KLF8: variants seen among roughly 807,000 people sequenced by gnomAD.
KLF8 encodes KLF transcription factor 8.
Under a neutral mutation model 18.2 loss-of-function variants are expected in KLF8, and 10 were observed. The observed-to-expected ratio is 0.55, with a 90% confidence interval of 0.34 to 0.93. The LOEUF is 0.93. KLF8 is among the 40% of genes least tolerant of loss of function. KLF8 has a pLI of 0.02. For synonymous variants in KLF8, 109 were observed against 97.3 expected (o/e 1.12, Z -0.71); for missense variants, 264 against 277.9 (o/e 0.95, Z 0.36).
At chrX:56,172,738 C>A in the KLF8 span, among the ~76,000 whole-genome samples, 1 of 111,838 alleles carries the variant, frequency 8.9e-6, no homozygotes, top group Non-Finnish European at 1.9e-5. Flanking sequence ...TAAAAGTGTT[C>A]CTATTTCTCC....
the KLF8 span, among the ~76,000 whole-genome samples, chrX:56,159,330 A>T: frequency 5.4e-5 from 6 of 111,823 alleles, no homozygotes; most frequent in African/African-American, 2.0e-4. Flanking sequence ...TTCATCAGGG[A>T]TATTGGCCTA....
chrX:56,006,814 G>A, the KLF8 span, among the ~76,000 whole-genome samples: 3 of 112,026 alleles, frequency 2.7e-5, no homozygotes, highest in East Asian at 8.4e-4. Context: ...GTTGACTGTG[G>A]CAGGTTGACA....
At chrX:56,045,922 C>T in the KLF8 span, among the ~76,000 whole-genome samples, 1 of 111,471 alleles carries the variant, frequency 9.0e-6, no homozygotes, top group Non-Finnish European at 1.9e-5. Flanking sequence ...TTGTCTCTTC[C>T]CAGTTCTCAG....
chrX:55,948,279 T>C, the KLF8 span, among the ~76,000 whole-genome samples: 3 of 112,181 alleles, frequency 2.7e-5, no homozygotes, highest in Non-Finnish European at 5.6e-5. Flanking sequence ...ATGGTCTCTA[T>C]TGCAACAATG....
At chrX:56,011,307 A>C in the KLF8 span, among the ~76,000 whole-genome samples, 1 of 112,382 alleles carries the variant, frequency 8.9e-6, no homozygotes, top group Non-Finnish European at 1.9e-5. Flanking sequence ...AGCACTCAAG[A>C]TTGAGTAATT....
At chrX:56,164,680 G>C in the KLF8 span, among the ~76,000 whole-genome samples, 467 of 85,975 alleles carry the variant, frequency 5.4e-3, no homozygotes, top group African/African-American at 0.019. Context: ...TATGCCCACT[G>C]TTCTGTCTGC....
the KLF8 span, among the ~76,000 whole-genome samples, chrX:56,000,684 T>C: frequency 9.0e-6 from 1 of 111,268 alleles, no homozygotes; most frequent in Admixed American, 9.6e-5. Flanking sequence ...TGGTATTAGT[T>C]GTAATGTTTT....
chrX:55,909,827 A>G, the KLF8 span, among the ~76,000 whole-genome samples: 1 of 112,037 alleles, frequency 8.9e-6, no homozygotes, highest in Non-Finnish European at 1.9e-5. Context: ...AGTAAGGGAG[A>G]TTGTTTTGGG....
chrX:55,999,616 G>A, the KLF8 span, among the ~76,000 whole-genome samples: 1 of 110,291 alleles, frequency 9.1e-6, no homozygotes, highest in Non-Finnish European at 1.9e-5. Context: ...GTAGAAAGAT[G>A]TAAAATAAGA....
At chrX:56,154,202 C>A in the KLF8 span, among the ~76,000 whole-genome samples, 11 of 111,431 alleles carry the variant, frequency 9.9e-5, no homozygotes, top group East Asian at 5.6e-4. Context: ...CTACAGTAAC[C>A]AAAACAGCAT....
intron 2 of KLF8, among the ~76,000 whole-genome samples, chrX:56,253,118 G>T (rs1002162446): frequency 8.9e-6 from 1 of 112,056 alleles, no homozygotes; most frequent in Admixed American, 9.5e-5. Flanking sequence ...TTAATCTGTT[G>T]TCAGATGGGT....
the KLF8 span, among the ~76,000 whole-genome samples, chrX:56,208,449 TA>T: frequency 8.9e-6 from 1 of 112,213 alleles, no homozygotes; most frequent in South Asian, 3.6e-4. Context: ...ACTGCTTTTT[TA>T]TGCTTTAATT....
At chrX:56,039,566 C>A in the KLF8 span, among the ~76,000 whole-genome samples, 3 of 111,464 alleles carry the variant, frequency 2.7e-5, no homozygotes, top group Non-Finnish European at 5.7e-5. Context: ...CCAGAGTTAT[C>A]TATTATATTC....
the KLF8 span, among the ~76,000 whole-genome samples, chrX:55,977,777 A>G: frequency 9.0e-6 from 1 of 111,581 alleles, no homozygotes. Context: ...GATCACTTGC[A>G]CTGCTAAGTA....
the KLF8 span, among the ~76,000 whole-genome samples, chrX:56,012,763 C>G: frequency 1.8e-5 from 2 of 111,241 alleles, no homozygotes; most frequent in African/African-American, 6.5e-5. Flanking sequence ...AAATCAATAT[C>G]ATGAAAATGG....
the KLF8 span, among the ~76,000 whole-genome samples, chrX:56,014,298 T>G: frequency 5.4e-5 from 6 of 111,200 alleles, no homozygotes; most frequent in African/African-American, 1.6e-4. Context: ...AAAACAACCC[T>G]GTTAAAAAGT....
chrX:56,152,649 G>T, the KLF8 span, among the ~76,000 whole-genome samples: 1 of 111,342 alleles, frequency 9.0e-6, no homozygotes, highest in African/African-American at 3.3e-5. Context: ...TTGGGTGGGG[G>T]TGAAGGTAGA....
At chrX:55,973,824 C>A in the KLF8 span, among the ~76,000 whole-genome samples, 1 of 111,894 alleles carries the variant, frequency 8.9e-6, no homozygotes, top group African/African-American at 3.2e-5. Context: ...TCAGCAGTAT[C>A]ATTTCTGGAT....
At chrX:56,161,603 T>G in the KLF8 span, among the ~76,000 whole-genome samples, 4 of 112,189 alleles carry the variant, frequency 3.6e-5, no homozygotes, top group African/African-American at 1.3e-4. Context: ...TCTTATGCCT[T>G]GGTTTTCAGC....
Sources: allele counts gnomAD v4.1 joint callset (sites outside exome capture counted in the v4.1 genomes callset), GRCh38; gene constraint gnomAD v4.1.1; transcripts MANE v1.5; gene names NCBI Gene and HGNC (gene_info 2026-07-23, HGNC 2026-07-21).